Variants in KCNIP3 observed in about 807,000 individuals in gnomAD.
The protein encoded by KCNIP3 is calsenilin.
KCNIP3 carries 28 observed loss-of-function variants against 35.0 expected under a neutral mutation model. That is an observed-to-expected ratio of 0.80 (90% CI 0.59 to 1.10). KCNIP3 has a LOEUF of 1.10. Among genes scored for constraint, KCNIP3 ranks in the 50% least tolerant of loss-of-function variants. KCNIP3 has a pLI of 0.00. For missense variants in KCNIP3, 295 were observed against 338.4 expected (o/e 0.87, Z 1.01); for synonymous variants, 134 against 133.8 (o/e 1.00, Z -0.01).
At chr2:95,361,537 T>C (rs1679798727) in intron 2 of KCNIP3, among the ~76,000 whole-genome samples, 1 of 152,220 alleles carries the variant, frequency 6.6e-6, no homozygotes, top group African/African-American at 2.4e-5. Flanking sequence ...TGACCCCAGT[T>C]CACCTGCTGT....
rs1038906932 is a variant in KCNIP3, at chr2:95,369,639, A to AT, written c.182-4648dup. Among the ~76,000 whole-genome samples the AT allele has an allele frequency of 1.0e-4, 15 of 147,228 alleles. No homozygotes were observed. The East Asian group carries it at 1.2e-3, about 12-fold the overall frequency. On this transcript the variant is annotated intron_variant, in intron 2 of 8. Transcript: ENST00000295225. ...CTTTTTTTTTCAATTTTTTCAATTT[A>AT]TTTTTTTTTGAGCTGGGGTCTTGCC...
intron 2 of KCNIP3, among the ~76,000 whole-genome samples, chr2:95,350,165 G>A (rs1172046263): frequency 6.6e-6 from 1 of 152,154 alleles, no homozygotes; most frequent in Admixed American, 6.5e-5. Flanking sequence ...GTGGGCCCCG[G>A]CAGGCAGCAT....
chr2:95,341,434 A>C (rs1438050501), intron 2 of KCNIP3, among the ~76,000 whole-genome samples: 1 of 152,202 alleles, frequency 6.6e-6, no homozygotes, highest in Non-Finnish European at 1.5e-5. Context: ...GTGAGAATGG[A>C]CTAATACAGA....
At chr2:95,363,319 TTTTC>T (rs1238417486) in intron 2 of KCNIP3, among the ~76,000 whole-genome samples, 4 of 152,200 alleles carry the variant, frequency 2.6e-5, no homozygotes, top group Admixed American at 6.5e-5. Flanking sequence ...GTCTAGATTG[TTTTC>T]TTTATGTGGT....
chr2:95,338,013 G>A (rs1288501757), intron 2 of KCNIP3, among the ~76,000 whole-genome samples: 1 of 152,200 alleles, frequency 6.6e-6, no homozygotes, highest in Non-Finnish European at 1.5e-5. Context: ...TCTCAGTCAG[G>A]TATTAGGCCT....
chr2:95,359,376 A>G (rs543291155), intron 2 of KCNIP3, among the ~76,000 whole-genome samples: 2 of 152,340 alleles, frequency 1.3e-5, no homozygotes, highest in South Asian at 4.1e-4. Flanking sequence ...AAAGGGGGTA[A>G]CTGGTCCCAA....
chr2:95,357,984 C>T (rs1255139908), intron 2 of KCNIP3, among the ~76,000 whole-genome samples: 7 of 152,194 alleles, frequency 4.6e-5, no homozygotes, highest in Admixed American at 4.6e-4. Context: ...CCTTGACCAG[C>T]AGCTTTGGGG....
chr2:95,366,717 C>A (rs1679927755), intron 2 of KCNIP3, among the ~76,000 whole-genome samples: 1 of 152,140 alleles, frequency 6.6e-6, no homozygotes, highest in Non-Finnish European at 1.5e-5. Flanking sequence ...GTTATGTAAG[C>A]AATTCTCATA....
chr2:95,379,579 G>T (rs1316837232), intron 5 of KCNIP3, among the ~76,000 whole-genome samples: 1 of 152,254 alleles, frequency 6.6e-6, no homozygotes, highest in African/African-American at 2.4e-5. Flanking sequence ...CTGCCCAGCT[G>T]CTTCCTATAA....
At position 95,376,694 on chromosome 2, in the gene KCNIP3, G is replaced by A. The variant is rs1558778889; in HGVS notation, c.447+1486G>A. Among the ~76,000 whole-genome samples, 1 of 152,234 alleles carries A rather than the reference G, an allele frequency of 6.6e-6. No homozygotes were observed. On this transcript the variant is annotated intron_variant, in intron 5 of 8. Coordinates refer to ENST00000295225, the MANE Select transcript of KCNIP3 (RefSeq NM_013434.5). The surrounding 1 kb of genome is among the most constrained non-coding windows in gnomAD (Gnocchi z 4.2). The stretch of plus-strand genomic sequence containing the variant: ...AAGTGTTCTGCTCTGGGAAGGAGGA[G>A]GGCACAAGCCCCCATGGCCCCATCC...
At chr2:95,343,596 A>AGG (rs1165862801) in intron 2 of KCNIP3, among the ~76,000 whole-genome samples, 2 of 152,202 alleles carry the variant, frequency 1.3e-5, no homozygotes, top group Admixed American at 1.3e-4. Flanking sequence ...GGTCAGGAAC[A>AGG]GTTAGCATGG....
Position 95,382,487 on chromosome 2 carries a change from C to G in KCNIP3, c.660+6C>G, listed in dbSNP as rs371943008. 181 of 1,589,078 alleles carry G rather than the reference C, an allele frequency of 1.1e-4. 1 individual carries two copies. Among genetic ancestry groups the G allele is most frequent in the Non-Finnish European group, 1.5e-4 (174 of 1,166,816 alleles). Reference sequence around the variant, plus strand: ...ACGTGGAGAGGTTCTTCGAGGTGAGCGAGCGCCAGCCCTGCCTAGGGAGGG... The same window carrying G: ...ACGTGGAGAGGTTCTTCGAGGTGAGGGAGCGCCAGCCCTGCCTAGGGAGGG... On this transcript the variant is annotated splice_donor_region_variant and intron_variant, in intron 7 of 8. Transcript: ENST00000295225. The surrounding 1 kb of genome is among the most constrained non-coding windows in gnomAD (Gnocchi z 4.5).
intron 2 of KCNIP3, among the ~76,000 whole-genome samples, chr2:95,321,788 C>T (rs1484279312): frequency 2.6e-5 from 4 of 152,102 alleles, no homozygotes; most frequent in Non-Finnish European, 5.9e-5. Context: ...TCTCCTCTGC[C>T]AGAGGGAAGA....
chr2:95,333,499 A>C (rs1217736950), intron 2 of KCNIP3, among the ~76,000 whole-genome samples: 1 of 152,144 alleles, frequency 6.6e-6, no homozygotes, highest in African/African-American at 2.4e-5. Context: ...CCCTCGGTCA[A>C]CCTAGCCTCG....
intron 2 of KCNIP3, among the ~76,000 whole-genome samples, chr2:95,369,241 C>G (rs1226915384): frequency 1.3e-5 from 2 of 152,074 alleles, no homozygotes; most frequent in East Asian, 1.9e-4. Flanking sequence ...CTTTTTTAGA[C>G]TATTAATGTG....
rs1680118922 is a variant in KCNIP3 at position 95,374,374 on chromosome 2, A to G, written c.260A>G (p.Lys87Arg). 1 of 1,614,078 alleles carries G rather than the reference A, an allele frequency of 6.2e-7. No homozygotes were observed. Among genetic ancestry groups the G allele is most frequent in the Admixed American group, 1.7e-5 (1 of 60,006 alleles). ...CTGGACCAGCTGCAGGCCCAGACCA[A>G]GTTCACCAAGAAGGAGCTGCAGTCT... Reference protein sequence around the residue: ...EGLDQLQAQTKFTKKELQSLY... With the variant: ...EGLDQLQAQTRFTKKELQSLY... The change falls in exon 3 of 9, where the codon AAG becomes AGG. Residue 87 changes from lysine (K) to arginine (R), a missense_variant. Lys to Arg is a conservative substitution (Grantham distance 26, BLOSUM62 2). Transcript: ENST00000295225.
At chr2:95,306,578 C>G (rs556066653) in intron 1 of KCNIP3, among the ~76,000 whole-genome samples, 1 of 152,062 alleles carries the variant, frequency 6.6e-6, no homozygotes, top group Non-Finnish European at 1.5e-5. Context: ...AGGACCTGAG[C>G]CGTGAGTGAG....
chr2:95,370,167 G>A (rs1573517294), intron 2 of KCNIP3, among the ~76,000 whole-genome samples: 1 of 152,024 alleles, frequency 6.6e-6, no homozygotes, highest in South Asian at 2.1e-4. Context: ...TTCTTCTCAT[G>A]TCTTTTTATT....
intron 2 of KCNIP3, among the ~76,000 whole-genome samples, chr2:95,326,522 G>A (rs1260383084): frequency 2.0e-5 from 3 of 152,218 alleles, no homozygotes; most frequent in Non-Finnish European, 2.9e-5. Context: ...AACTGGACCG[G>A]CCTGCCGGCC....
Sources: allele counts gnomAD v4.1 joint callset (sites outside exome capture counted in the v4.1 genomes callset), GRCh38; gene constraint gnomAD v4.1.1; non-coding constraint Gnocchi (gnomAD v3.1); transcripts MANE v1.5; gene names NCBI Gene and HGNC (gene_info 2026-07-23, HGNC 2026-07-21).